Variants in KIF5C observed in about 807,000 individuals in gnomAD.
KIF5C encodes the protein kinesin heavy chain isoform 5C.
In KIF5C, 18 loss-of-function variants were observed where a neutral mutation model predicts 125.2. That is an observed-to-expected ratio of 0.14 (90% CI 0.10 to 0.21). The LOEUF is 0.21. Among genes scored for constraint, KIF5C ranks in the 10% least tolerant of loss-of-function variants. KIF5C has a pLI of 1.00. For synonymous variants in KIF5C, 405 were observed against 434.0 expected (o/e 0.93, Z 0.83); for missense variants, 780 against 1,183.8 (o/e 0.66, Z 5.01).
intron 1 of KIF5C, chr2:148,888,359 C>A (rs1483010968): frequency 6.6e-6 from 1 of 152,230 alleles, no homozygotes; most frequent in African/African-American, 2.4e-5. Context: ...TTCCCTTTAG[C>A]ACCAGCGCCT....
chr2:148,946,093 T>C (rs1433372146), intron 7 of KIF5C, among the ~76,000 whole-genome samples: 1 of 152,214 alleles, frequency 6.6e-6, no homozygotes, highest in Non-Finnish European at 1.5e-5. Context: ...TTCTTAATTT[T>C]TTGGGTTGTT....
At position 148,941,518 on chromosome 2, in the gene KIF5C, A is replaced by G. The variant is rs1253572625; in HGVS notation, c.397-92A>G. 1.7e-5 allele frequency: 26 copies of G among 1,489,604 alleles called. No individual in the cohort carries two copies. The East Asian group carries it at 3.2e-4, about 18-fold the overall frequency. 92.3% of individuals were successfully genotyped at this position (1,489,604 alleles called of 1,614,324 possible). A position where few individuals can be genotyped will look rare whatever the true frequency, so the allele number is the denominator to read the frequency against. The stretch of plus-strand genomic sequence containing the variant: ...ACCCCTCTTCTTACTCTTCTTAGCC[A>G]TGCATGATGAAAGCTTTCATAAGTA... On this transcript the variant is annotated intron_variant, in intron 4 of 25. Transcript: ENST00000435030.
intron 16 of KIF5C, 144 bp downstream of exon 16, chr2:148,991,342 C>A: frequency 7.3e-7 from 1 of 1,378,990 alleles, no homozygotes; most frequent in Admixed American, 3.0e-5. Context: ...GATGGCAGCC[C>A]AGGTCTATTC....
At chr2:148,925,715 T>C (rs1267220387) in intron 2 of KIF5C, among the ~76,000 whole-genome samples, 1 of 152,192 alleles carries the variant, frequency 6.6e-6, no homozygotes, top group Non-Finnish European at 1.5e-5. Context: ...CCCTGTTCTG[T>C]CAGGCCATAT....
At chr2:148,926,085 C>T (rs1395272835) in intron 2 of KIF5C, among the ~76,000 whole-genome samples, 1 of 152,216 alleles carries the variant, frequency 6.6e-6, no homozygotes, top group Non-Finnish European at 1.5e-5. Flanking sequence ...AGCCCCATGC[C>T]TCCGTAGGAC....
Position 148,896,444 on chromosome 2 carries a change from G to A in KIF5C, c.126+20701G>A, listed in dbSNP as rs1681846595. Among the ~76,000 whole-genome samples the A allele has an allele frequency of 2.0e-5, 3 of 152,156 alleles. No homozygotes were observed. In the South Asian group the frequency reaches 6.2e-4, roughly 32 times the overall value. On this transcript the variant is annotated intron_variant, in intron 1 of 25. Transcript: ENST00000435030. ...TGCTTCTTTCACAATGGGGTGGATGGCTACATGAAAAGAATTCTACAGCAA... is the reference window on the plus strand; with the variant it reads ...TGCTTCTTTCACAATGGGGTGGATGACTACATGAAAAGAATTCTACAGCAA...
chr2:148,977,186 C>T (rs747625014), intron 12 of KIF5C, among the ~76,000 whole-genome samples: 6 of 152,188 alleles, frequency 3.9e-5, no homozygotes, highest in Non-Finnish European at 8.8e-5. Flanking sequence ...TAGTATCATC[C>T]TTGTTCTTCA....
At position 148,978,387 on chromosome 2, in the gene KIF5C, A is replaced by G. The variant is rs559057907; in HGVS notation, c.1294-535A>G. ...TAACTGTTAAGAAAATTAACTTCCA[A>G]TCGAGAGGGAGGTCTTCCAATGCCA... On this transcript the variant is annotated intron_variant, in intron 12 of 25. Transcript: ENST00000435030. Among the ~76,000 whole-genome samples the G allele has an allele frequency of 7.5e-4, 104 of 139,550 alleles. 1 individual carries two copies. Among genetic ancestry groups the G allele is most frequent in the African/African-American group, 2.4e-3 (90 of 36,816 alleles). 91.6% of individuals were successfully genotyped at this position (139,550 alleles called of 152,430 possible).
At chr2:148,998,303 G>A (rs1681737745) in intron 18 of KIF5C, 97 bp from the exon 19 acceptor site, 2 of 1,514,090 alleles carry the variant, frequency 1.3e-6, no homozygotes, top group East Asian at 5.0e-5. Context: ...ACATCTGAGG[G>A]ACACAGGGAA....
At chr2:148,913,507 A>G (rs1012655561) in intron 1 of KIF5C, among the ~76,000 whole-genome samples, 2 of 152,228 alleles carry the variant, frequency 1.3e-5, no homozygotes, top group African/African-American at 4.8e-5. Flanking sequence ...TGTTAATTCT[A>G]TTGGCAGTAA....
At position 148,876,635 on chromosome 2, in the gene KIF5C, A is replaced by G. The variant is rs1190046936; in HGVS notation, c.126+892A>G. Among the ~76,000 whole-genome samples the G allele has an allele frequency of 6.7e-6, 1 of 148,398 alleles. No individual in the cohort carries two copies. Among genetic ancestry groups the G allele is most frequent in the Non-Finnish European group, 1.5e-5 (1 of 66,974 alleles). The stretch of plus-strand genomic sequence containing the variant: ...TCTCCCCCACCCCCTCCCCCTACTT[A>G]GCTCCCTCTCTGCAGCTGGGGCTGC... On this transcript the variant is annotated intron_variant, in intron 1 of 25. Coordinates refer to ENST00000435030, the MANE Select transcript of KIF5C (RefSeq NM_004522.3). The surrounding 1 kb of genome is among the most constrained non-coding windows in gnomAD (Gnocchi z 4.7).
At chr2:148,921,192 G>A (rs1487583990) in intron 1 of KIF5C, among the ~76,000 whole-genome samples, 1 of 152,100 alleles carries the variant, frequency 6.6e-6, no homozygotes, top group African/African-American at 2.4e-5. Context: ...TATAATGCAC[G>A]GTGGAGTTTC....
At chr2:148,897,572 A>G (rs1478352859) in intron 1 of KIF5C, among the ~76,000 whole-genome samples, 1 of 152,142 alleles carries the variant, frequency 6.6e-6, no homozygotes, top group Non-Finnish European at 1.5e-5. Context: ...CCAGTGAAAT[A>G]AATTTTCCAG....
intron 21 of KIF5C, 79 bp downstream of exon 21, chr2:149,000,861 T>G (rs1681826621): frequency 1.3e-6 from 2 of 1,596,174 alleles, no homozygotes; most frequent in Non-Finnish European, 1.7e-6. Flanking sequence ...TTTCAAAATT[T>G]TATCCATGCA....
At chr2:148,899,553 A>T in intron 1 of KIF5C, among the ~76,000 whole-genome samples, 1 of 151,756 alleles carries the variant, frequency 6.6e-6, no homozygotes, top group African/African-American at 2.4e-5. Flanking sequence ...AATACAAAAA[A>T]TCAGCCGGGC....
At chr2:148,879,518 C>T (rs927129003) in intron 1 of KIF5C, 2 of 118,420 alleles carry the variant, frequency 1.7e-5, no homozygotes, top group African/African-American at 6.6e-5. Context: ...ATTAGAAGAG[C>T]TAAAGATGCT....
Position 148,969,635 on chromosome 2 carries a change from A to G in KIF5C, c.1118-3701A>G, listed in dbSNP as rs570228905. Among the ~76,000 whole-genome samples the G allele has an allele frequency of 1.8e-4, 28 of 152,306 alleles. No homozygotes were observed. In the South Asian group the frequency reaches 5.8e-3, roughly 32 times the overall value. On this transcript the variant is annotated intron_variant, in intron 11 of 25. Coordinates refer to ENST00000435030, the MANE Select transcript of KIF5C (RefSeq NM_004522.3). ...GTGGTCTTTTTCTCCTTCTCCCACCATCAGAGTTCAGGGCGTTATTTCTCT... is the reference window on the plus strand; with the variant it reads ...GTGGTCTTTTTCTCCTTCTCCCACCGTCAGAGTTCAGGGCGTTATTTCTCT...
intron 7 of KIF5C, among the ~76,000 whole-genome samples, chr2:148,944,131 A>G (rs548788636): frequency 6.6e-6 from 1 of 152,296 alleles, no homozygotes; most frequent in South Asian, 2.1e-4. Context: ...TATTATTCTT[A>G]TCATTCTGGT....
At chr2:148,905,198 TATTAA>T (rs1458885282) in intron 1 of KIF5C, among the ~76,000 whole-genome samples, 2 of 152,222 alleles carry the variant, frequency 1.3e-5, no homozygotes, top group Admixed American at 1.3e-4. Context: ...ATTAAAAAAA[TATTAA>T]ATTAAAGGTA....
Sources: allele counts gnomAD v4.1 joint callset (sites outside exome capture counted in the v4.1 genomes callset), GRCh38; gene constraint gnomAD v4.1.1; non-coding constraint Gnocchi (gnomAD v3.1); transcripts MANE v1.5; gene names NCBI Gene and HGNC (gene_info 2026-07-23, HGNC 2026-07-21).